Variants in CTNNA3 observed in about 807,000 individuals in gnomAD.
The protein encoded by CTNNA3 is catenin alpha 3.
In CTNNA3, 76 loss-of-function variants were observed where a neutral mutation model predicts 95.7. That is an observed-to-expected ratio of 0.79 (90% confidence interval 0.66 to 0.96). The LOEUF (loss-of-function observed/expected upper bound fraction) is 0.96. Ranked by LOEUF, CTNNA3 falls within the 40% of genes least tolerant of loss-of-function variation. The pLI is 0.00. For missense variants in CTNNA3, 1,191 were observed against 1,089.8 expected (o/e 1.09, Z -1.31); for synonymous variants, 431 against 374.4 (o/e 1.15, Z -1.74).
At chr10:65,982,152 G>GA (rs1186026992) in intron 16 of CTNNA3, among the ~76,000 whole-genome samples, 2 of 144,956 alleles carry the variant, frequency 1.4e-5, no homozygotes, top group Admixed American at 6.9e-5. Context: ...AAATCAGCAA[G>GA]AAAAAAAATC....
At position 66,638,425 on chromosome 10, in the gene CTNNA3, G is replaced by C. The variant is rs542892885; in HGVS notation, c.1282-16641C>G. 2.0e-5 allele frequency among the ~76,000 whole-genome samples: 3 copies of C among 152,048 alleles called. No individual in the cohort carries two copies. The East Asian group carries it at 5.8e-4, about 29-fold the overall frequency. On this transcript the variant is annotated intron_variant, in intron 9 of 17. Transcript: ENST00000433211. ...CTTTAATTGAATATAATATCCTCCC[G>C]CCGCCGCCCACCCCTCCGCCGCCCC...
rs114528842 is a variant in CTNNA3, at chr10:67,431,890, A to C, written c.579+89952T>G. ...AATTCAAAATGGAATATCATTCCCC[A>C]AAACATGTTTCTCCTCCAGTGTTCG... is the stretch of plus-strand genomic sequence containing the variant. On this transcript the variant is annotated intron_variant, in intron 5 of 17. Transcript: ENST00000433211. Among the ~76,000 whole-genome samples the C allele has an allele frequency of 4.4e-3, 665 of 152,116 alleles. 6 individuals carry two copies. The highest frequency in any genetic ancestry group is 0.015 in the African/African-American group (624 of 41,522).
At position 65,920,547 on chromosome 10, in the gene CTNNA3, AT is replaced by A; in HGVS notation, c.2470del (p.Met824CysfsTer23). The A allele has an allele frequency of 6.2e-7, 1 of 1,614,052 alleles. No homozygotes were observed. The highest frequency in any genetic ancestry group is 8.5e-7 in the Non-Finnish European group (1 of 1,180,018). On this transcript the variant is annotated frameshift_variant, in exon 18 of 18. Coordinates refer to ENST00000433211, the MANE Select transcript of CTNNA3 (RefSeq NM_013266.4). LOFTEE classifies it high-confidence loss of function. ...GATCTTGGTTGAGGCAATGTAAGAC[AT>A]TTTCACTGTTTGCACTACAGCATTC... ...LMNAVVQTVK[M>X]SYIASTKIIR...
chr10:67,389,606 A>AT (rs1434868393), intron 5 of CTNNA3, among the ~76,000 whole-genome samples: 4 of 148,332 alleles, frequency 2.7e-5, no homozygotes, highest in African/African-American at 4.9e-5. Flanking sequence ...CAGAATATAC[A>AT]TTTTTTTCAG....
At chr10:65,984,051 AT>A (rs2078376577) in intron 16 of CTNNA3, among the ~76,000 whole-genome samples, 1 of 151,222 alleles carries the variant, frequency 6.6e-6, no homozygotes, top group African/African-American at 2.4e-5. Flanking sequence ...CATTTAAATA[AT>A]TTAAATATAT....
At chr10:66,078,470 T>C (rs2080621647) in intron 14 of CTNNA3, among the ~76,000 whole-genome samples, 1 of 151,936 alleles carries the variant, frequency 6.6e-6, no homozygotes, top group Non-Finnish European at 1.5e-5. Context: ...TCTAGATGAA[T>C]TCTGACCAGT....
intron 11 of CTNNA3, among the ~76,000 whole-genome samples, chr10:66,434,066 A>T (rs10997126): frequency 0.41 from 62,609 of 151,908 alleles, 13,958 homozygotes; most frequent in East Asian, 0.6. Context: ...TAGTTTGAAG[A>T]CAGGTAGCAT....
At chr10:66,073,564 G>C (rs1340905824) in intron 14 of CTNNA3, among the ~76,000 whole-genome samples, 1 of 152,062 alleles carries the variant, frequency 6.6e-6, no homozygotes, top group African/African-American at 2.4e-5. Context: ...CTGCCTTCCA[G>C]TCTTGAAGTT....
At chr10:66,391,136 C>A (rs2092930773) in intron 11 of CTNNA3, among the ~76,000 whole-genome samples, 1 of 152,072 alleles carries the variant, frequency 6.6e-6, no homozygotes, top group East Asian at 1.9e-4. Context: ...AGTTTCTTTG[C>A]ACTGAAAGCT....
intron 7 of CTNNA3, among the ~76,000 whole-genome samples, chr10:66,877,952 T>C (rs1038025149): frequency 1.3e-5 from 2 of 152,164 alleles, no homozygotes; most frequent in East Asian, 3.9e-4. Flanking sequence ...GCTAAGGCAC[T>C]AGTGCTTTGT....
At chr10:67,128,575 T>C (rs1208164214) in intron 7 of CTNNA3, among the ~76,000 whole-genome samples, 1 of 152,156 alleles carries the variant, frequency 6.6e-6, no homozygotes, top group African/African-American at 2.4e-5. Flanking sequence ...ATTTTCCTTT[T>C]GTTCCTTTAA....
At position 65,920,038 on chromosome 10, in the gene CTNNA3, T is replaced by G. The variant is rs892552479; in HGVS notation, c.*292A>C. 5.4e-6 allele frequency: 2 copies of G among 373,204 alleles called. No homozygotes were observed. The highest frequency in any genetic ancestry group is 9.8e-6 in the Non-Finnish European group (2 of 204,470). 23.1% of individuals were successfully genotyped at this position (373,204 alleles called of 1,614,324 possible). A position where few individuals can be genotyped will look rare whatever the true frequency, so the allele number is the denominator to read the frequency against. ...ACTCTCTGGCCTCTCCTGTGTTTAT[T>G]TGGTAACGAATAGTAGATAATCTCT... On this transcript the variant is annotated 3_prime_UTR_variant, in exon 18 of 18. Coordinates refer to ENST00000433211, the MANE Select transcript of CTNNA3 (RefSeq NM_013266.4).
intron 3 of CTNNA3, among the ~76,000 whole-genome samples, chr10:67,581,835 G>GT (rs1193918177): frequency 3.9e-5 from 6 of 152,098 alleles, no homozygotes; most frequent in Admixed American, 2.6e-4. Flanking sequence ...AGATTTTCTA[G>GT]TTTTTTTGTG....
At chr10:66,659,817 C>T (rs979603281) in intron 9 of CTNNA3, among the ~76,000 whole-genome samples, 2 of 152,168 alleles carry the variant, frequency 1.3e-5, no homozygotes, top group African/African-American at 4.8e-5. Flanking sequence ...GACTTCCCAA[C>T]CTCCAGAACT....
intron 3 of CTNNA3, among the ~76,000 whole-genome samples, chr10:67,543,075 A>C (rs1274714979): frequency 6.6e-6 from 1 of 152,032 alleles, no homozygotes; most frequent in Non-Finnish European, 1.5e-5. Flanking sequence ...AAGAAATCCC[A>C]CTCTATACAT....
At chr10:66,704,651 C>T (rs956124344) in intron 9 of CTNNA3, among the ~76,000 whole-genome samples, 5 of 152,054 alleles carry the variant, frequency 3.3e-5, no homozygotes, top group African/African-American at 1.2e-4. Context: ...CTTAGGGATG[C>T]TGAATAAACT....
At chr10:66,586,690 G>A (rs1843369954) in intron 10 of CTNNA3, among the ~76,000 whole-genome samples, 1 of 152,034 alleles carries the variant, frequency 6.6e-6, no homozygotes, top group African/African-American at 2.4e-5. Context: ...GTTGGGTGAG[G>A]GGAAAAAGAA....
chr10:66,792,249 G>T (rs1353308438), intron 7 of CTNNA3, among the ~76,000 whole-genome samples: 1 of 152,076 alleles, frequency 6.6e-6, no homozygotes, highest in East Asian at 1.9e-4. Flanking sequence ...ACAATTATTT[G>T]TAAGAACAAC....
chr10:67,523,608 GA>G (rs1295192117), intron 4 of CTNNA3, among the ~76,000 whole-genome samples: 1 of 152,152 alleles, frequency 6.6e-6, no homozygotes, highest in Non-Finnish European at 1.5e-5. Flanking sequence ...TACTGACACT[GA>G]CGGAGGGACT....
Sources: allele counts gnomAD v4.1 joint callset (sites outside exome capture counted in the v4.1 genomes callset), GRCh38; gene constraint gnomAD v4.1.1; transcripts MANE v1.5; gene names NCBI Gene and HGNC (gene_info 2026-07-23, HGNC 2026-07-21).